Variants in PTPRN2 observed in about 807,000 individuals in gnomAD.
The protein encoded by PTPRN2 is protein tyrosine phosphatase receptor type N2.
PTPRN2 carries 74 observed loss-of-function variants against 118.8 expected under a neutral mutation model. The ratio of observed to expected loss-of-function variants is 0.62; its 90% confidence interval spans 0.52 to 0.76. The LOEUF (loss-of-function observed/expected upper bound fraction) is 0.76, where lower values mean the gene tolerates loss of function less well. Ranked by LOEUF, PTPRN2 falls within the 30% of genes least tolerant of loss-of-function variation. PTPRN2 has a pLI of 0.00. For missense variants in PTPRN2, 1,481 were observed against 1,394.4 expected (o/e 1.06, Z -0.99); for synonymous variants, 641 against 608.0 (o/e 1.05, Z -0.80).
chr7:157,541,291 C>G (rs546438406), intron 22 of PTPRN2, among the ~76,000 whole-genome samples: 36 of 152,364 alleles, frequency 2.4e-4, no homozygotes, highest in African/African-American at 8.2e-4. Context: ...TGAAATCCAC[C>G]TGTTACTCAG....
At chr7:158,002,587 C>T (rs1440889971) in intron 11 of PTPRN2, among the ~76,000 whole-genome samples, 1 of 152,158 alleles carries the variant, frequency 6.6e-6, no homozygotes, top group Non-Finnish European at 1.5e-5. Flanking sequence ...CTGCGCCCCT[C>T]CCTCCCTGGA....
intron 2 of PTPRN2, among the ~76,000 whole-genome samples, chr7:158,353,491 T>C (rs1438154095): frequency 2.6e-5 from 4 of 152,152 alleles, no homozygotes; most frequent in Admixed American, 2.6e-4. Context: ...TAAAGGACAA[T>C]GAGAAAACAG....
At chr7:157,670,165 G>T (rs1052202063) in intron 13 of PTPRN2, among the ~76,000 whole-genome samples, 1 of 152,150 alleles carries the variant, frequency 6.6e-6, no homozygotes, top group African/African-American at 2.4e-5. Flanking sequence ...GGAGGTGAGG[G>T]CTGTGTTTGA....
At chr7:157,570,100 G>A (rs1182834084) in intron 20 of PTPRN2, among the ~76,000 whole-genome samples, 3 of 152,204 alleles carry the variant, frequency 2.0e-5, no homozygotes, top group Non-Finnish European at 4.4e-5. Context: ...TTTAAAAAAC[G>A]GCACGTTCAC....
chr7:158,575,554 T>C (rs755026358), intron 1 of PTPRN2, among the ~76,000 whole-genome samples: 2 of 152,182 alleles, frequency 1.3e-5, no homozygotes, highest in Non-Finnish European at 2.9e-5. Flanking sequence ...TTTGTAGAGA[T>C]AGAGTCTCAC....
At chr7:157,879,244 C>T (rs1262721139) in intron 12 of PTPRN2, among the ~76,000 whole-genome samples, 1 of 152,212 alleles carries the variant, frequency 6.6e-6, no homozygotes, top group South Asian at 2.1e-4. Context: ...CGTGCACCCA[C>T]ACTTACTCAC....
rs753430956 is a variant in PTPRN2, at chr7:157,610,032, G to A, written c.2345-5957C>T. 7.9e-5 allele frequency among the ~76,000 whole-genome samples: 12 copies of A among 152,190 alleles called. No individual in the cohort carries two copies. The highest frequency in any genetic ancestry group is 3.2e-3 in the Middle Eastern group (1 of 316). ...AAGCGTGTGGAAGACTCCTCTGCCCGGAACATCGTCTTGCTACACAGATCC... is the reference window on the plus strand; with the variant it reads ...AAGCGTGTGGAAGACTCCTCTGCCCAGAACATCGTCTTGCTACACAGATCC... On this transcript the variant is annotated intron_variant, in intron 15 of 22. Transcript: ENST00000389418. The surrounding 1 kb of genome is among the most constrained non-coding windows in gnomAD (Gnocchi z 5.1).
intron 6 of PTPRN2, among the ~76,000 whole-genome samples, chr7:158,156,392 C>T (rs575315162): frequency 1.2e-3 from 187 of 152,276 alleles, no homozygotes; most frequent in African/African-American, 4.2e-3. Flanking sequence ...CGTGAACTGA[C>T]GGACGACAGG....
chr7:158,094,864 G>A (rs1814505797), intron 10 of PTPRN2, among the ~76,000 whole-genome samples: 1 of 152,048 alleles, frequency 6.6e-6, no homozygotes, highest in South Asian at 2.1e-4. Flanking sequence ...CATCCCTCAG[G>A]GTCTCCTGGG....
chr7:158,095,961 G>C (rs1814593783), intron 10 of PTPRN2, among the ~76,000 whole-genome samples: 1 of 152,170 alleles, frequency 6.6e-6, no homozygotes, highest in Admixed American at 6.5e-5. Flanking sequence ...TCACTACCTG[G>C]TGTCCAGTAC....
intron 9 of PTPRN2, among the ~76,000 whole-genome samples, chr7:158,125,210 G>C (rs1472684354): frequency 1.1e-4 from 14 of 130,202 alleles, no homozygotes; most frequent in African/African-American, 3.0e-4. Flanking sequence ...CTCCCTGCCT[G>C]AAGTCCCTCC....
rs1349901956 is a variant in PTPRN2, at chr7:157,656,385, A to G, written c.2168T>C (p.Met723Thr). ...GATCATGTGGCCGGTGGAGATGTCC[A>G]TGTTGGACTGCACAGGCTCCTCGGA... The part of the protein sequence containing the change: ...SWSEEPVQSN[M>T]DISTGHMILS... The change falls in exon 14 of 23, where the codon ATG becomes ACG. Residue 723 changes from methionine to threonine, a missense_variant. By Grantham distance (81) the Met-to-Thr change is moderately conservative. Transcript: ENST00000389418. The G allele has an allele frequency of 6.4e-7, 1 of 1,552,284 alleles. No individual in the cohort carries two copies. The highest frequency in any genetic ancestry group is 2.0e-5 in the Admixed American group (1 of 51,172).
intron 12 of PTPRN2, among the ~76,000 whole-genome samples, chr7:157,686,564 C>G (rs553779894): frequency 4.1e-4 from 63 of 152,330 alleles, no homozygotes; most frequent in African/African-American, 1.4e-3. Flanking sequence ...ACCGACCCCC[C>G]AAGGCTGCAC....
chr7:158,226,321 T>C (rs1401097283), intron 3 of PTPRN2, among the ~76,000 whole-genome samples: 4 of 152,042 alleles, frequency 2.6e-5, no homozygotes, highest in Non-Finnish European at 4.4e-5. Flanking sequence ...ATATGCAGGA[T>C]TAAAGGAGAA....
intron 14 of PTPRN2, among the ~76,000 whole-genome samples, chr7:157,644,622 C>T (rs894585658): frequency 3.9e-5 from 6 of 152,048 alleles, no homozygotes; most frequent in Non-Finnish European, 7.4e-5. Context: ...ATGGAGAAAC[C>T]CCGACTCTAC....
chr7:157,682,833 C>A lies in PTPRN2; in HGVS notation c.1893G>T (p.Leu631=). 1 of 1,614,018 alleles carries A rather than the reference C, an allele frequency of 6.2e-7. No individual in the cohort carries two copies. ...VSLACILGVL[L]ASGLIYCLRH... ...GGAGGCAGTAGATGAGGCCAGAGGC[C>A]AGGAGGACGCCCAGGATGCAGGCGA... Residue 631 remains leucine (L), a synonymous_variant, in exon 13 of 23, where the codon CTG becomes CTT. Coordinates refer to ENST00000389418, the MANE Select transcript of PTPRN2 (RefSeq NM_002847.5).
At chr7:158,337,503 G>A (rs76318167) in intron 2 of PTPRN2, among the ~76,000 whole-genome samples, 2,535 of 15,984 alleles carry the variant, frequency 0.16, 5 homozygotes, top group Middle Eastern at 0.21. Flanking sequence ...GACGTCACTC[G>A]CACCCACACT....
Position 158,329,620 on chromosome 7 carries a change from T to C in PTPRN2, c.164-12688A>G, listed in dbSNP as rs1803972453. ...GACCTTGGCTTCCAGCCTTCAGAAC[T>C]GAGAAATCAATGTCTGCTGTTTCTA... is the stretch of plus-strand genomic sequence containing the variant. On this transcript the variant is annotated intron_variant, in intron 2 of 22. Transcript: ENST00000389418. Among the ~76,000 whole-genome samples, 3 of 152,292 alleles carry C rather than the reference T, an allele frequency of 2.0e-5. No homozygotes were observed. In the South Asian group the frequency reaches 6.2e-4, roughly 32 times the overall value.
intron 19 of PTPRN2, chr7:157,574,321 C>A (rs768244802): frequency 3.9e-6 from 2 of 511,996 alleles, no homozygotes; most frequent in African/African-American, 3.9e-5. Flanking sequence ...TTCCACATCG[C>A]CCCTGCAGTA....
Sources: gnomAD v4.1 joint callset for allele counts (sites outside exome capture counted in the v4.1 genomes callset) on GRCh38, gnomAD v4.1.1 for gene constraint, Gnocchi (gnomAD v3.1) non-coding constraint, MANE v1.5 for transcripts, NCBI Gene and HGNC (gene_info 2026-07-23, HGNC 2026-07-21) for gene names.